Variants in CEP97 observed in about 807,000 individuals in gnomAD.
The protein encoded by CEP97 is centrosomal protein of 97 kDa.
A neutral mutation model predicts 73.1 loss-of-function variants in CEP97; 43 were observed. The observed-to-expected ratio is 0.59, with a 90% CI of 0.46 to 0.76. The LOEUF is 0.76. CEP97 is among the 30% of genes least tolerant of loss of function. The pLI, the probability that CEP97 is intolerant of heterozygous loss-of-function variation, is 0.00. For synonymous variants in CEP97, 337 were observed against 370.0 expected (o/e 0.91, Z 1.02); for missense variants, 939 against 1,014.0 (o/e 0.93, Z 1.00).
intron 6 of CEP97, among the ~76,000 whole-genome samples, chr3:101,752,688 G>A (rs1394724310): frequency 2.6e-5 from 4 of 152,054 alleles, no homozygotes; most frequent in African/African-American, 9.7e-5. Flanking sequence ...GATCGCATCG[G>A]CTCCTGAGTC....
chr3:101,747,139 G>C (rs1023623163), intron 6 of CEP97, among the ~76,000 whole-genome samples: 1 of 150,268 alleles, frequency 6.7e-6, no homozygotes, highest in Admixed American at 6.7e-5. Flanking sequence ...CAGGAATCTA[G>C]AACTAGAAAT....
At chr3:101,757,549 A>G (rs1939044535) in intron 8 of CEP97, 85 bp from the exon 9 acceptor site, 4 of 1,331,638 alleles carry the variant, frequency 3.0e-6, no homozygotes, top group East Asian at 4.7e-5. Flanking sequence ...ATTTTACTCT[A>G]TTTCAAGGAA....
rs1390714142 is a variant in CEP97 at position 101,765,178 on chromosome 3, A to G, written c.2225A>G (p.Tyr742Cys). The change falls in exon 11 of 11, where the codon TAT becomes TGT. Residue 742 changes from tyrosine to cysteine, a missense_variant. Coordinates refer to ENST00000341893, the MANE Select transcript of CEP97 (RefSeq NM_024548.4). Reference protein sequence around the residue: ...IMGNSIDTVRYGKESDLGDVS... With the variant: ...IMGNSIDTVRCGKESDLGDVS... ...GGGAATTCCATTGACACAGTCAGAT[A>G]TGGCAAAGAATCAGATTTAGGGGAT... The G allele has an allele frequency of 6.2e-7, 1 of 1,614,248 alleles. No individual in the cohort carries two copies. The highest frequency in any genetic ancestry group is 8.5e-7 in the Non-Finnish European group (1 of 1,180,046).
At chr3:101,732,246 A>G (rs1938136205) in intron 5 of CEP97, among the ~76,000 whole-genome samples, 1 of 152,184 alleles carries the variant, frequency 6.6e-6, no homozygotes, top group African/African-American at 2.4e-5. Context: ...GGCTGCTGTG[A>G]TGTTTTCAAA....
At chr3:101,727,123 CAAG>C (rs1446972000) in intron 2 of CEP97, among the ~76,000 whole-genome samples, 1 of 152,148 alleles carries the variant, frequency 6.6e-6, no homozygotes, top group Non-Finnish European at 1.5e-5. Context: ...CTTACATTCT[CAAG>C]TTGTTGCTGT....
chr3:101,738,513 A>G (rs926076068), intron 6 of CEP97, among the ~76,000 whole-genome samples: 11 of 152,242 alleles, frequency 7.2e-5, no homozygotes, highest in Admixed American at 7.2e-4. Context: ...AGTGCAATCA[A>G]ATTAGAACTC....
rs768074900 is a variant in CEP97, at chr3:101,757,724, A to G, written c.1118A>G (p.His373Arg). 5 of 1,614,224 alleles carry G rather than the reference A, an allele frequency of 3.1e-6. No individual in the cohort carries two copies. The highest frequency in any genetic ancestry group is 3.4e-6 in the Non-Finnish European group (4 of 1,180,046). ...AAGAATAATTTTCCAGCCTCTGTAC[A>G]CACTACGAGATATTCTCGAAATGAT... Reference protein sequence around the residue: ...AVKNNFPASVHTTRYSRNDLH... With the variant: ...AVKNNFPASVRTTRYSRNDLH... The change falls in exon 9 of 11, where the codon CAC becomes CGC. Residue 373 changes from histidine to arginine, a missense_variant. Physicochemically the swap from His to Arg is conservative, Grantham distance 29 (BLOSUM62 0). Transcript: ENST00000341893.
chr3:101,741,328 A>G (rs761350455), intron 6 of CEP97, among the ~76,000 whole-genome samples: 2 of 152,262 alleles, frequency 1.3e-5, no homozygotes, highest in African/African-American at 2.4e-5. Context: ...AAGAAAACCA[A>G]GACAATTCCA....
chr3:101,757,716 C>T lies in CEP97; in HGVS notation c.1110C>T (p.Ala370=). 1.2e-6 allele frequency: 2 copies of T among 1,614,186 alleles called. No individual in the cohort carries two copies. Among genetic ancestry groups the T allele is most frequent in the Non-Finnish European group, 1.7e-6 (2 of 1,180,048 alleles). ...TTGCGGTTAAGAATAATTTTCCAGC[C>T]TCTGTACACACTACGAGATATTCTC... is the stretch of plus-strand genomic sequence containing the variant. ...QLFAVKNNFP[A]SVHTTRYSRN... Residue 370 remains alanine (A), a synonymous_variant, in exon 9 of 11, where the codon GCC becomes GCT. Coordinates refer to ENST00000341893, the MANE Select transcript of CEP97 (RefSeq NM_024548.4).
chr3:101,737,656 C>T (rs927714779), intron 6 of CEP97, among the ~76,000 whole-genome samples: 1 of 152,090 alleles, frequency 6.6e-6, no homozygotes, highest in Non-Finnish European at 1.5e-5. Flanking sequence ...ATTTTGTTAC[C>T]ACCAGGCCTG....
chr3:101,732,376 C>T, intron 5 of CEP97, 112 bp from the exon 6 acceptor site: 1 of 729,866 alleles, frequency 1.4e-6, no homozygotes, highest in Admixed American at 2.9e-5. Flanking sequence ...CTTTTCAGAA[C>T]AAGAGGGAAA....
At chr3:101,726,767 T>G (rs1369126326) in intron 2 of CEP97, 31 bp downstream of exon 2, 1 of 1,485,180 alleles carries the variant, frequency 6.7e-7, no homozygotes, top group East Asian at 2.3e-5. Flanking sequence ...AATGGTTACA[T>G]AGGATCAATT....
intron 6 of CEP97, among the ~76,000 whole-genome samples, chr3:101,743,010 A>G (rs1469309597): frequency 6.6e-6 from 1 of 152,150 alleles, no homozygotes; most frequent in South Asian, 2.1e-4. Context: ...TTGGGAGGCC[A>G]AGGTGGGTGG....
At chr3:101,731,819 C>G in intron 4 of CEP97, 21 bp from the exon 5 acceptor site, 2 of 1,336,840 alleles carry the variant, frequency 1.5e-6, no homozygotes, top group Non-Finnish European at 2.1e-6. Context: ...ATTTGTAATT[C>G]ATACTGTTTT....
intron 6 of CEP97, among the ~76,000 whole-genome samples, chr3:101,746,011 T>C (rs1246457093): frequency 6.6e-6 from 1 of 152,108 alleles, no homozygotes; most frequent in Non-Finnish European, 1.5e-5. Context: ...CGGTGTTTGG[T>C]TTTTTGTTCT....
Position 101,731,924 on chromosome 3 carries a change from G to T in CEP97, c.532G>T (p.Ala178Ser), listed in dbSNP as rs914451601. The T allele has an allele frequency of 1.2e-6, 2 of 1,606,018 alleles. No individual in the cohort carries two copies. The highest frequency in any genetic ancestry group is 1.7e-6 in the Non-Finnish European group (2 of 1,173,104). ...CAGAAGTCTTGCTATACTTTCTTTGGCAGAAAATGAAATCCGAGACTTAAA... is the reference window on the plus strand; with the variant it reads ...CAGAAGTCTTGCTATACTTTCTTTGTCAGAAAATGAAATCCGAGACTTAAA... ...LPRSLAILSL[A>S]ENEIRDLNEI... Residue 178 changes from alanine to serine, a missense_variant, in exon 5 of 11, where the codon GCA becomes TCA. Physicochemically the swap from Ala to Ser is moderately conservative, Grantham distance 99. Coordinates refer to ENST00000341893, the MANE Select transcript of CEP97 (RefSeq NM_024548.4).
In CEP97 at chr3:101,765,202, A is replaced by G. The variant is rs752803871; in HGVS notation, c.2249A>G (p.Asp750Gly). The change falls in exon 11 of 11, where the codon GAT becomes GGT. Residue 750 changes from aspartate to glycine, a missense_variant. Transcript: ENST00000341893. ...VRYGKESDLG[D>G]VSEEHGEWNK... is the part of the protein sequence containing the mutation. ...TATGGCAAAGAATCAGATTTAGGGG[A>G]TGTTAGTGAAGAACATGGTGAATGG... 3 of 1,614,092 alleles carry G rather than the reference A, an allele frequency of 1.9e-6. No individual in the cohort carries two copies. In the African/African-American group the frequency reaches 4.0e-5, roughly 22 times the overall value.
At chr3:101,734,851 A>T (rs1312928299) in intron 6 of CEP97, among the ~76,000 whole-genome samples, 1 of 152,192 alleles carries the variant, frequency 6.6e-6, no homozygotes, top group Non-Finnish European at 1.5e-5. Flanking sequence ...GGCAGAGATA[A>T]AGGTTTGGTG....
rs138297668 is a variant in CEP97, at chr3:101,725,841, A to G, written c.44-753A>G. Among the ~76,000 whole-genome samples, 7 of 150,612 alleles carry G rather than the reference A, an allele frequency of 4.6e-5. No individual in the cohort carries two copies. In the East Asian group the frequency reaches 1.4e-3, roughly 29 times the overall value. On this transcript the variant is annotated intron_variant, in intron 1 of 10. Transcript: ENST00000341893. ...AGTTAACATTTACAGAGCACTTTGT[A>G]TGACCCAGGCGATGTTCTCAGTCCT...
Sources: allele counts gnomAD v4.1 joint callset (sites outside exome capture counted in the v4.1 genomes callset), GRCh38; gene constraint gnomAD v4.1.1; transcripts MANE v1.5; gene names NCBI Gene and HGNC (gene_info 2026-07-23, HGNC 2026-07-21).